Variants in ZBTB5 observed in about 807,000 individuals in gnomAD.
ZBTB5 encodes zinc finger and BTB domain containing 5, also known as zinc finger and BTB domain-containing protein 5.
ZBTB5 carries 15 observed loss-of-function variants against 37.9 expected under a neutral mutation model. That is an observed-to-expected ratio of 0.40 (90% CI 0.26 to 0.61). ZBTB5 has a LOEUF of 0.61. Ranked by LOEUF, ZBTB5 falls within the 20% of genes least tolerant of loss-of-function variation. The pLI is 0.47. For synonymous variants in ZBTB5, 315 were observed against 312.4 expected (o/e 1.01, Z -0.09); for missense variants, 708 against 856.8 (o/e 0.83, Z 2.17).
chr9:37,457,281 C>A (rs1017400213), intron 1 of ZBTB5, among the ~76,000 whole-genome samples: 2 of 152,224 alleles, frequency 1.3e-5, no homozygotes, highest in Admixed American at 6.5e-5. Context: ...GCCACCCAGG[C>A]TGGAGTGTGG....
At position 37,440,305 on chromosome 9, in the gene ZBTB5, T is replaced by C. The variant is rs1823837096; in HGVS notation, c.*213A>G. On this transcript the variant is annotated 3_prime_UTR_variant, in exon 2 of 2. Transcript: ENST00000307750. ...CATTACTCAACCCCAAGGAAGCACC[T>C]GGTTTCAGGGATTGCATCCCTTTCC... The C allele has an allele frequency of 3.6e-6, 2 of 549,948 alleles. No homozygotes were observed. Among genetic ancestry groups the C allele is most frequent in the Non-Finnish European group, 3.2e-6 (1 of 312,656 alleles). 34.1% of individuals were successfully genotyped at this position (549,948 alleles called of 1,614,324 possible).
chr9:37,446,910 T>C (rs565064244), intron 1 of ZBTB5, among the ~76,000 whole-genome samples: 55 of 152,278 alleles, frequency 3.6e-4, no homozygotes, highest in Non-Finnish European at 6.6e-4. Context: ...CAGGGAATTG[T>C]GGTGGGAAGT....
chr9:37,443,899 C>A (rs1207607782), intron 1 of ZBTB5, among the ~76,000 whole-genome samples: 1 of 152,030 alleles, frequency 6.6e-6, no homozygotes, highest in African/African-American at 2.4e-5. Flanking sequence ...GCACTCCAAC[C>A]TGGGTGACAG....
At chr9:37,445,144 C>T (rs546750605) in intron 1 of ZBTB5, among the ~76,000 whole-genome samples, 9 of 151,312 alleles carry the variant, frequency 5.9e-5, no homozygotes, top group Middle Eastern at 3.5e-3. Flanking sequence ...GTAGTTCATT[C>T]GTAGACAATA....
At chr9:37,458,680 T>C (rs908185419) in intron 1 of ZBTB5, among the ~76,000 whole-genome samples, 6 of 152,218 alleles carry the variant, frequency 3.9e-5, no homozygotes, top group African/African-American at 7.2e-5. Context: ...TGACAGATCA[T>C]TGGTGATATT....
At position 37,462,826 on chromosome 9, in the gene ZBTB5, A is replaced by G. The variant is rs575245608; in HGVS notation, c.-5+2389T>C. 3.9e-5 allele frequency among the ~76,000 whole-genome samples: 6 copies of G among 152,064 alleles called. No individual in the cohort carries two copies. The East Asian group carries it at 5.8e-4, about 15-fold the overall frequency. On this transcript the variant is annotated intron_variant, in intron 1 of 1. Coordinates refer to ENST00000307750, the MANE Select transcript of ZBTB5 (RefSeq NM_014872.3). ...CAATCTGCCCGCCTCAGCCTCCCCA[A>G]TTGCAGTAATTACAGGCGTGAGCCA...
Position 37,441,018 on chromosome 9 carries a change from C to T in ZBTB5, c.1534G>A (p.Gly512Ser). The change falls in exon 2 of 2, where the codon GGC becomes AGC. Residue 512 changes from glycine (G) to serine (S), a missense_variant. Around this residue, in one of 3 missense-constraint regions of ZBTB5, gnomAD observed 639 missense variants for 690.5 expected, o/e 0.93. Transcript: ENST00000307750. Reference protein sequence around the residue: ...FGMDFSRSGLGLHSSFSRVMI... With the variant: ...FGMDFSRSGLSLHSSFSRVMI... ...ACCCTGGAGAAGGAGGAGTGGAGGC[C>T]CAAACCAGACCTGGAAAAGTCCATC... The T allele has an allele frequency of 6.2e-7, 1 of 1,614,132 alleles. No homozygotes were observed. The highest frequency in any genetic ancestry group is 1.6e-4 in the Middle Eastern group (1 of 6,062).
intron 1 of ZBTB5, among the ~76,000 whole-genome samples, chr9:37,456,081 G>A (rs1824182900): frequency 6.6e-6 from 1 of 151,984 alleles, no homozygotes; most frequent in African/African-American, 2.4e-5. Flanking sequence ...CTCCTGGGTA[G>A]CTGGGACTAC....
intron 1 of ZBTB5, among the ~76,000 whole-genome samples, chr9:37,447,052 C>T (rs1294253990): frequency 6.6e-6 from 1 of 152,180 alleles, no homozygotes; most frequent in East Asian, 1.9e-4. Flanking sequence ...GTGTATTAGT[C>T]TGTTTTCAAC....
intron 1 of ZBTB5, among the ~76,000 whole-genome samples, chr9:37,451,879 C>T (rs1390302335): frequency 1.3e-5 from 2 of 151,960 alleles, no homozygotes; most frequent in Non-Finnish European, 2.9e-5. Flanking sequence ...CCAGGTGGGG[C>T]CATCCAGTTG....
chr9:37,447,479 T>G (rs1434844605), intron 1 of ZBTB5, among the ~76,000 whole-genome samples: 1 of 152,124 alleles, frequency 6.6e-6, no homozygotes, highest in Non-Finnish European at 1.5e-5. Flanking sequence ...GTGCTTTTTT[T>G]TTGAGACAGG....
In ZBTB5 at chr9:37,439,151, C is replaced by T. The variant is rs968669023; in HGVS notation, c.*1367G>A. The T allele has an allele frequency of 9.9e-5, 15 of 152,206 alleles. No individual in the cohort carries two copies. The highest frequency in any genetic ancestry group is 7.9e-4 in the Admixed American group (12 of 15,278). 9.4% of individuals were successfully genotyped at this position (152,206 alleles called of 1,614,324 possible). On this transcript the variant is annotated 3_prime_UTR_variant, in exon 2 of 2. Coordinates refer to ENST00000307750, the MANE Select transcript of ZBTB5 (RefSeq NM_014872.3). ...CATGAGTTCTAGGGAGACGCATTAA[C>T]CTGTGCTGTTCCCCTGGACGCACAC... is the stretch of plus-strand genomic sequence containing the variant.
intron 1 of ZBTB5, among the ~76,000 whole-genome samples, chr9:37,458,656 T>G (rs1337863575): frequency 6.6e-6 from 1 of 152,250 alleles, no homozygotes; most frequent in Admixed American, 6.5e-5. Context: ...GCTTCCCACA[T>G]GCTCAAATTC....
intron 1 of ZBTB5, among the ~76,000 whole-genome samples, chr9:37,447,401 T>A (rs917172912): frequency 6.6e-6 from 1 of 152,216 alleles, no homozygotes; most frequent in African/African-American, 2.4e-5. Context: ...CCCAGCATTG[T>A]AGTAACAGTC....
In ZBTB5 at chr9:37,441,840, G is replaced by C; in HGVS notation, c.712C>G (p.Leu238Val). The C allele has an allele frequency of 6.2e-7, 1 of 1,614,114 alleles. No individual in the cohort carries two copies. The highest frequency in any genetic ancestry group is 8.5e-7 in the Non-Finnish European group (1 of 1,180,022). The change falls in exon 2 of 2, where the codon CTG becomes GTG. Residue 238 changes from leucine (L) to valine (V), a missense_variant. Coordinates refer to ENST00000307750, the MANE Select transcript of ZBTB5 (RefSeq NM_014872.3). ...GCTTTAGGATTATCCACAATTTTCA[G>C]AGAATCTGGTGAAAAGAACTCCTCC... The part of the protein sequence containing the change: ...SREEFFSPDS[L>V]KIVDNPKADG...
Position 37,438,518 on chromosome 9 carries a change from A to T in ZBTB5, c.*2000T>A, listed in dbSNP as rs1443572818. 2.6e-5 allele frequency: 4 copies of T among 152,314 alleles called. 1 individual carries two copies. 9.4% of individuals were successfully genotyped at this position (152,314 alleles called of 1,614,324 possible). A position where few individuals can be genotyped will look rare whatever the true frequency, so the allele number is the denominator to read the frequency against. On this transcript the variant is annotated 3_prime_UTR_variant, in exon 2 of 2. Coordinates refer to ENST00000307750, the MANE Select transcript of ZBTB5 (RefSeq NM_014872.3). The stretch of plus-strand genomic sequence containing the variant: ...GCATGTATCAGAGATAAGCCCCAAA[A>T]GCAAAGTCCACTTATGCTTCAGCAG...
chr9:37,439,034 TTATC>T lies in ZBTB5; in HGVS notation c.*1480_*1483del, dbSNP rs1177357088. The T allele has an allele frequency of 6.6e-6, 1 of 152,220 alleles. No individual in the cohort carries two copies. Among genetic ancestry groups the T allele is most frequent in the African/African-American group, 2.4e-5 (1 of 41,450 alleles). The allele number at this position is 152,220 out of a possible 1,614,324, so 9.4% of individuals were successfully genotyped here. ...TTTCTAAACACAAAAACTGAATAAT[TTATC>T]TGATTTATGAATGATGGTTTGGTAT... On this transcript the variant is annotated 3_prime_UTR_variant, in exon 2 of 2. Coordinates refer to ENST00000307750, the MANE Select transcript of ZBTB5 (RefSeq NM_014872.3).
chr9:37,441,613 T>C lies in ZBTB5; in HGVS notation c.939A>G (p.Glu313=). The change falls in exon 2 of 2, where the codon GAA becomes GAG. Residue 313 remains glutamate, a synonymous_variant. Transcript: ENST00000307750. ...AAPEKSSFQC[E]NPEVGLGEKE... is the part of the protein sequence containing the mutation. ...TCTCACCAAGGCCAACCTCAGGGTT[T>C]TCACACTGAAAACTACTTTTCTCAG... 3 of 1,613,286 alleles carry C rather than the reference T, an allele frequency of 1.9e-6. No individual in the cohort carries two copies. Among genetic ancestry groups the C allele is most frequent in the Non-Finnish European group, 2.5e-6 (3 of 1,179,938 alleles).
rs1823798059 is a variant in ZBTB5, at chr9:37,439,051, GATGGTTTGGTATGTCTAAGAAAGCT to G, written c.*1442_*1466del. 1 of 152,226 alleles carries G rather than the reference GATGGTTTGGTATGTCTAAGAAAGCT, an allele frequency of 6.6e-6. No homozygotes were observed. Among genetic ancestry groups the G allele is most frequent in the Non-Finnish European group, 1.5e-5 (1 of 68,046 alleles). 9.4% of individuals were successfully genotyped at this position (152,226 alleles called of 1,614,324 possible). A position where few individuals can be genotyped will look rare whatever the true frequency, so the allele number is the denominator to read the frequency against. ...TGAATAATTTATCTGATTTATGAAT[GATGGTTTGGTATGTCTAAGAAAGCT>G]ATATAAAACATAAAATGAACTCATG... On this transcript the variant is annotated 3_prime_UTR_variant, in exon 2 of 2. Transcript: ENST00000307750.
Sources: gnomAD v4.1 joint callset for allele counts (sites outside exome capture counted in the v4.1 genomes callset) on GRCh38, gnomAD v4.1.1 for gene constraint, gnomAD v4.1.1 regional missense constraint, MANE v1.5 for transcripts, NCBI Gene and HGNC (gene_info 2026-07-23, HGNC 2026-07-21) for gene names.